Variants in SLIT2 observed in about 807,000 individuals in gnomAD.
SLIT2 encodes the protein slit homolog 2 protein.
Under a neutral mutation model 185.7 loss-of-function variants are expected in SLIT2, and 41 were observed. The ratio of observed to expected loss-of-function variants is 0.22; its 90% CI spans 0.17 to 0.29. SLIT2 has a LOEUF of 0.29. Among genes scored for constraint, SLIT2 ranks in the 10% least tolerant of loss-of-function variants. The pLI, the probability that SLIT2 is intolerant of heterozygous loss-of-function variation, is 1.00. For missense variants in SLIT2, 1,571 were observed against 1,909.0 expected (o/e 0.82, Z 3.30); for synonymous variants, 693 against 680.2 (o/e 1.02, Z -0.29).
At chr4:20,472,295 G>GATCTATATATAGATATATATCT (rs1715223364) in intron 5 of SLIT2, among the ~76,000 whole-genome samples, 3 of 25,882 alleles carry the variant, frequency 1.2e-4, no homozygotes, top group African/African-American at 7.8e-4. Context: ...TAGATATATA[G>GATCTATATATAGATATATATCT]ATATATAGAT....
intron 4 of SLIT2, among the ~76,000 whole-genome samples, chr4:20,463,084 G>A (rs1451252004): frequency 1.3e-5 from 2 of 151,938 alleles, no homozygotes; most frequent in African/African-American, 4.8e-5. Flanking sequence ...AGCAACTCAA[G>A]CACAATGATG....
intron 4 of SLIT2, among the ~76,000 whole-genome samples, chr4:20,414,068 TA>T (rs1727469490): frequency 6.6e-6 from 1 of 152,140 alleles, no homozygotes; most frequent in Non-Finnish European, 1.5e-5. Flanking sequence ...TTTTCTAATG[TA>T]AAATATGTAT....
At chr4:20,335,454 A>G (rs1257085005) in intron 4 of SLIT2, among the ~76,000 whole-genome samples, 2 of 152,204 alleles carry the variant, frequency 1.3e-5, no homozygotes, top group Non-Finnish European at 2.9e-5. Flanking sequence ...TTTTGATAAT[A>G]TGTGTAAAAG....
chr4:20,607,626 G>T (rs1004766316), intron 33 of SLIT2, among the ~76,000 whole-genome samples: 5 of 152,096 alleles, frequency 3.3e-5, no homozygotes, highest in African/African-American at 7.2e-5. Context: ...ACTGCATTAG[G>T]GTGTTTAAAA....
chr4:20,550,990 A>T lies in SLIT2; in HGVS notation c.2561+92A>T, dbSNP rs941455822. The T allele has an allele frequency of 4.7e-5, 32 of 680,262 alleles. No homozygotes were observed. The African/African-American group carries it at 4.7e-4, about 10-fold the overall frequency. The allele number at this position is 680,262 out of a possible 1,614,324, so 42.1% of individuals were successfully genotyped here. A position where few individuals can be genotyped will look rare whatever the true frequency, so the allele number is the denominator to read the frequency against. ...CCTCTGCCAGTTATTTTACTGTAAC[A>T]TCATAAGATGTAATTGGTTTCATCT... On this transcript the variant is annotated intron_variant, in intron 25 of 36. Transcript: ENST00000504154.
intron 5 of SLIT2, among the ~76,000 whole-genome samples, chr4:20,471,772 C>T (rs746594741): frequency 2.3e-4 from 35 of 152,200 alleles, no homozygotes; most frequent in African/African-American, 8.2e-4. Context: ...GGAAATTTTG[C>T]AGATTAGCAG....
At chr4:20,506,201 G>A (rs976458483) in intron 9 of SLIT2, among the ~76,000 whole-genome samples, 1 of 151,950 alleles carries the variant, frequency 6.6e-6, no homozygotes, top group African/African-American at 2.4e-5. Context: ...CTTTCTTGTA[G>A]TATGTGATTT....
At position 20,251,932 on chromosome 4, in the gene SLIT2, C is replaced by G. The variant is rs1006875118; in HGVS notation, c.-1884C>G. Among the ~76,000 whole-genome samples, 4 of 152,224 alleles carry G rather than the reference C, an allele frequency of 2.6e-5. No individual in the cohort carries two copies. Among genetic ancestry groups the G allele is most frequent in the South Asian group, 2.1e-4 (1 of 4,820 alleles). Reference sequence around the variant, plus strand: ...TTGGTGTTATTTATTTGGGAAGCGCCCGGACGGCGGAGCTTGGCGGCGGCG... The same window carrying G: ...TTGGTGTTATTTATTTGGGAAGCGCGCGGACGGCGGAGCTTGGCGGCGGCG... On this transcript the variant is annotated 5_prime_UTR_variant, in exon 1 of 37. Coordinates refer to ENST00000504154, the MANE Select transcript of SLIT2 (RefSeq NM_004787.4).
In SLIT2 at chr4:20,546,078, A is replaced by G; in HGVS notation, c.2324A>G (p.Asn775Ser). Residue 775 changes from asparagine to serine, a missense_variant, in exon 22 of 37, where the codon AAC (asparagine) becomes AGC (serine). Physicochemically the swap from Asn to Ser is conservative, Grantham distance 46. Transcript: ENST00000504154. ...ACACTGGTTCCCAAGGAACTCTCCA[A>G]CTACAAACATTTAACACTTATGTGA... ...QFTLVPKELSNYKHLTLIDLS... is the reference protein window; with the variant it reads ...QFTLVPKELSSYKHLTLIDLS... 3.1e-6 allele frequency: 5 copies of G among 1,587,344 alleles called. No individual in the cohort carries two copies. Among genetic ancestry groups the G allele is most frequent in the Non-Finnish European group, 3.4e-6 (4 of 1,161,356 alleles).
intron 34 of SLIT2, among the ~76,000 whole-genome samples, chr4:20,614,491 G>C (rs1475854325): frequency 6.6e-6 from 1 of 152,028 alleles, no homozygotes; most frequent in Admixed American, 6.6e-5. Context: ...AAAAATCATG[G>C]ATCTGGCCAG....
At chr4:20,311,781 A>G (rs757031517) in intron 4 of SLIT2, among the ~76,000 whole-genome samples, 1 of 152,174 alleles carries the variant, frequency 6.6e-6, no homozygotes, top group Non-Finnish European at 1.5e-5. Context: ...TTTGAAATAT[A>G]CTCTATTAAG....
chr4:20,354,845 GA>G (rs966234038), intron 4 of SLIT2, among the ~76,000 whole-genome samples: 8 of 146,416 alleles, frequency 5.5e-5, no homozygotes, highest in African/African-American at 2.0e-4. Context: ...GAATTTTGAA[GA>G]AAAAACTTTT....
In SLIT2 at chr4:20,610,375, A is replaced by G. The variant is rs145623755; in HGVS notation, c.3847+208A>G. Among the ~76,000 whole-genome samples the G allele has an allele frequency of 1.6e-4, 25 of 152,308 alleles. No homozygotes were observed. The East Asian group carries it at 4.4e-3, about 27-fold the overall frequency. On this transcript the variant is annotated intron_variant, in intron 34 of 36. Coordinates refer to ENST00000504154, the MANE Select transcript of SLIT2 (RefSeq NM_004787.4). ...TATTATCCCATCTCTCTTTCTAACA[A>G]ATGTGTCATCTGGGTAGAGAAAGAC...
At chr4:20,312,503 G>A (rs1382077339) in intron 4 of SLIT2, among the ~76,000 whole-genome samples, 1 of 152,084 alleles carries the variant, frequency 6.6e-6, no homozygotes, top group African/African-American at 2.4e-5. Flanking sequence ...GCTGGGTGCA[G>A]TGGCTCATGC....
chr4:20,286,588 G>A (rs1040065469), intron 4 of SLIT2, among the ~76,000 whole-genome samples: 2 of 152,150 alleles, frequency 1.3e-5, no homozygotes, highest in African/African-American at 4.8e-5. Flanking sequence ...AACACCTGAA[G>A]TCAGGAGTTC....
chr4:20,562,220 C>T (rs1724752477), intron 26 of SLIT2, among the ~76,000 whole-genome samples: 1 of 151,794 alleles, frequency 6.6e-6, no homozygotes, highest in Non-Finnish European at 1.5e-5. Flanking sequence ...TTTTACTTAT[C>T]TTTATTTGCT....
rs1008213508 is a variant in SLIT2 at position 20,506,087 on chromosome 4, G to A, written c.915-4408G>A. 5.3e-5 allele frequency among the ~76,000 whole-genome samples: 8 copies of A among 151,982 alleles called. No individual in the cohort carries two copies. The East Asian group carries it at 1.5e-3, about 29-fold the overall frequency. ...CAGCCATTGCTTTGGTTTCATGTGT[G>A]TGTATATGTAAACACACAAACACAT... On this transcript the variant is annotated intron_variant, in intron 9 of 36. Coordinates refer to ENST00000504154, the MANE Select transcript of SLIT2 (RefSeq NM_004787.4).
intron 4 of SLIT2, among the ~76,000 whole-genome samples, chr4:20,341,494 G>T (rs577143040): frequency 6.6e-6 from 1 of 152,142 alleles, no homozygotes; most frequent in African/African-American, 2.4e-5. Context: ...GAAAATTTCC[G>T]CAAGACATTT....
chr4:20,581,271 T>G (rs998082167), intron 29 of SLIT2, among the ~76,000 whole-genome samples: 6 of 152,182 alleles, frequency 3.9e-5, no homozygotes, highest in African/African-American at 1.4e-4. Context: ...CAGGTTTCCC[T>G]TTTTGATAAC....
Sources: gnomAD v4.1 joint callset for allele counts (sites outside exome capture counted in the v4.1 genomes callset) on GRCh38, gnomAD v4.1.1 for gene constraint, MANE v1.5 for transcripts, NCBI Gene and HGNC (gene_info 2026-07-23, HGNC 2026-07-21) for gene names.